KIF13A: variants seen among roughly 807,000 people sequenced by gnomAD.
KIF13A encodes kinesin-like protein KIF13A.
Under a neutral mutation model 212.2 loss-of-function variants are expected in KIF13A, and 79 were observed. That is an observed-to-expected ratio of 0.37 (90% confidence interval 0.31 to 0.45). The LOEUF (loss-of-function observed/expected upper bound fraction) is 0.45, where lower values mean the gene tolerates loss of function less well. Among genes scored for constraint, KIF13A ranks in the 20% least tolerant of loss-of-function variants. The probability of loss-of-function intolerance (pLI) is 1.00; values close to 1 mark genes in which losing one functional copy is unlikely to be tolerated. For missense variants in KIF13A, 1,901 were observed against 2,209.0 expected (o/e 0.86, Z 2.79); for synonymous variants, 789 against 808.6 (o/e 0.98, Z 0.41).
rs1219750010 is a variant in KIF13A, at chr6:17,973,621, GA to G, written c.146+13432del. 4.0e-5 allele frequency among the ~76,000 whole-genome samples: 6 copies of G among 148,290 alleles called. No individual in the cohort carries two copies. The East Asian group carries it at 7.8e-4, about 19-fold the overall frequency. ...ATAAATCTGAACATTACAACTTAAA[GA>G]AAAAAAAAACCCTTACAGACTATCT... is the stretch of plus-strand genomic sequence containing the variant. On this transcript the variant is annotated intron_variant, in intron 2 of 38. Coordinates refer to ENST00000259711, the MANE Select transcript of KIF13A (RefSeq NM_022113.6).
At chr6:17,848,718 AC>A (rs1453990356) in intron 9 of KIF13A, among the ~76,000 whole-genome samples, 6 of 151,876 alleles carry the variant, frequency 4.0e-5, no homozygotes, top group Non-Finnish European at 2.9e-5. Context: ...GACGTGTGCC[AC>A]CATGCCCAGC....
At position 17,808,844 on chromosome 6, in the gene KIF13A, G is replaced by C. The variant is rs1324550631; in HGVS notation, c.2087C>G (p.Ala696Gly). ...NTLVREANFL[A>G]EEMSKLTDYQ... is the part of the protein sequence containing the mutation. ...ATCGGTGAGTTTGCTCATTTCCTCA[G>C]CCAGGAAGTTTGCTTCCCTCACCAA... is the stretch of plus-strand genomic sequence containing the variant. Residue 696 changes from alanine to glycine, a missense_variant, in exon 18 of 39, where the codon GCT becomes GGT. Coordinates refer to ENST00000259711, the MANE Select transcript of KIF13A (RefSeq NM_022113.6). 1 of 1,613,680 alleles carries C rather than the reference G, an allele frequency of 6.2e-7. No individual in the cohort carries two copies. Among genetic ancestry groups the C allele is most frequent in the African/African-American group, 1.3e-5 (1 of 74,904 alleles).
rs989994318 is a variant in KIF13A, at chr6:17,771,128, G to A, written c.4567C>T (p.Arg1523Cys). 16 of 1,610,354 alleles carry A rather than the reference G, an allele frequency of 9.9e-6. No homozygotes were observed. Among genetic ancestry groups the A allele is most frequent in the Admixed American group, 6.7e-5 (4 of 59,762 alleles). ...SSMPVEHNSK[R>C]EKKIDSEEEE... ...CCGGAACTTACAATCTTCTTCTCAC[G>A]TTTGCTATTGTGTTCTACTGGCATG... The change falls in exon 38 of 39, where the codon CGT (arginine) becomes TGT (cysteine). Residue 1523 changes from arginine to cysteine, a missense_variant. Around this residue, in one of 5 missense-constraint regions of KIF13A, gnomAD observed 687 missense variants for 759.1 expected, o/e 0.90. Transcript: ENST00000259711. The surrounding 1 kb of genome is among the most constrained non-coding windows in gnomAD (Gnocchi z 5.4).
intron 9 of KIF13A, among the ~76,000 whole-genome samples, chr6:17,848,810 G>A (rs1467391205): frequency 1.3e-5 from 2 of 152,040 alleles, no homozygotes; most frequent in Admixed American, 6.6e-5. Context: ...GTTTTGTCAC[G>A]TTGCCCAGGC....
At position 17,982,117 on chromosome 6, in the gene KIF13A, CAG is replaced by C. The variant is rs1491317920; in HGVS notation, c.146+4935_146+4936del. Reference sequence around the variant, plus strand: ...TGAGCATTCTTTTTTTTTTTTGAGACAGAGTTTCACTCTTGTTGCTCAGGCTA... The same window carrying C: ...TGAGCATTCTTTTTTTTTTTTGAGACAGTTTCACTCTTGTTGCTCAGGCTA... On this transcript the variant is annotated intron_variant, in intron 2 of 38. Transcript: ENST00000259711. This position sits in a 1 kb window ranked among gnomAD's most constrained non-coding sequence, Gnocchi z 5.1. Among the ~76,000 whole-genome samples the C allele has an allele frequency of 1.3e-5, 2 of 149,514 alleles. No homozygotes were observed. Among genetic ancestry groups the C allele is most frequent in the East Asian group, 2.0e-4 (1 of 5,124 alleles).
At chr6:17,938,126 C>T (rs1167780485) in intron 2 of KIF13A, among the ~76,000 whole-genome samples, 1 of 152,032 alleles carries the variant, frequency 6.6e-6, no homozygotes, top group African/African-American at 2.4e-5. Context: ...AACTCCTGGC[C>T]TCAAGTGATC....
At position 17,765,073 on chromosome 6, in the gene KIF13A, T is replaced by C. The variant is rs1432530553; in HGVS notation, c.4582-127A>G. On this transcript the variant is annotated intron_variant, in intron 38 of 38. Coordinates refer to ENST00000259711, the MANE Select transcript of KIF13A (RefSeq NM_022113.6). ...GGTGTTCAGTGTTTTCTTTTTGTCT[T>C]TCCAAATTTGGCCAGATCTTGTCAC... 5.3e-6 allele frequency: 4 copies of C among 753,900 alleles called. No homozygotes were observed. In the African/African-American group the frequency reaches 7.1e-5, roughly 13 times the overall value. 46.7% of individuals were successfully genotyped at this position (753,900 alleles called of 1,614,324 possible).
At chr6:17,889,966 GAAACCTGTTGACAGGGA>G (rs908178761) in intron 3 of KIF13A, among the ~76,000 whole-genome samples, 12 of 152,242 alleles carry the variant, frequency 7.9e-5, no homozygotes, top group African/African-American at 1.7e-4. Context: ...CCAACACGGA[GAAACCTGTTGACAGGGA>G]AAACCTGTTG....
In KIF13A at chr6:17,834,118, A is replaced by G. The variant is rs1237078650; in HGVS notation, c.1156-47T>C. On this transcript the variant is annotated intron_variant, in intron 11 of 38. Coordinates refer to ENST00000259711, the MANE Select transcript of KIF13A (RefSeq NM_022113.6). The surrounding 1 kb of genome is among the most constrained non-coding windows in gnomAD (Gnocchi z 4.0). ...ATCTGATGTTCAAAATTTTTCCACC[A>G]TCATATACAAGACAATCAGTTACTG... 1.7e-6 allele frequency: 2 copies of G among 1,158,324 alleles called. No homozygotes were observed. The highest frequency in any genetic ancestry group is 2.4e-6 in the Non-Finnish European group (2 of 817,114). 71.8% of individuals were successfully genotyped at this position (1,158,324 alleles called of 1,614,324 possible).
chr6:17,889,539 G>C (rs940429824), intron 3 of KIF13A, among the ~76,000 whole-genome samples: 2 of 152,172 alleles, frequency 1.3e-5, no homozygotes, highest in African/African-American at 2.4e-5. Context: ...TGATTTTTCA[G>C]TTATTTATAT....
At chr6:17,857,194 G>A (rs2150408274) in intron 4 of KIF13A, among the ~76,000 whole-genome samples, 1 of 152,222 alleles carries the variant, frequency 6.6e-6, no homozygotes, top group South Asian at 2.1e-4. Flanking sequence ...GATATATGAT[G>A]ACTGCAGGAT....
In KIF13A at chr6:17,783,093, G is replaced by C. The variant is rs527621152; in HGVS notation, c.3544+553C>G. ...TAGGGCCCTGCCAAAGGATCTACCA[G>C]GATCCTGCCCACTGCAAACTCAGCA... On this transcript the variant is annotated intron_variant, in intron 29 of 38. Coordinates refer to ENST00000259711, the MANE Select transcript of KIF13A (RefSeq NM_022113.6). This position sits in a 1 kb window ranked among gnomAD's most constrained non-coding sequence, Gnocchi z 4.3. Among the ~76,000 whole-genome samples the C allele has an allele frequency of 8.5e-5, 13 of 152,312 alleles. No homozygotes were observed. Among genetic ancestry groups the C allele is most frequent in the African/African-American group, 2.9e-4 (12 of 41,562 alleles).
intron 2 of KIF13A, among the ~76,000 whole-genome samples, chr6:17,924,648 T>C (rs1775344902): frequency 6.6e-6 from 1 of 152,162 alleles, no homozygotes; most frequent in Non-Finnish European, 1.5e-5. Context: ...AATTCTTCCT[T>C]ACAAATGCAA....
rs112329200 is a variant in KIF13A, at chr6:17,964,858, C to T, written c.146+22196G>A. Among the ~76,000 whole-genome samples, 811 of 152,208 alleles carry T rather than the reference C, an allele frequency of 5.3e-3. 3 individuals are homozygous for T. The highest frequency in any genetic ancestry group is 0.034 in the Middle Eastern group (10 of 294). ...TGTTTTTTTGAGACTGAGTCTCGCT[C>T]TGTCGCCAGGCTGGAGTGTAGTGGT... On this transcript the variant is annotated intron_variant, in intron 2 of 38. Coordinates refer to ENST00000259711, the MANE Select transcript of KIF13A (RefSeq NM_022113.6).
chr6:17,904,493 A>G (rs1773322403), intron 2 of KIF13A, among the ~76,000 whole-genome samples: 1 of 152,188 alleles, frequency 6.6e-6, no homozygotes, highest in African/African-American at 2.4e-5. Context: ...AAGAAAAAGA[A>G]AACAGTAAAG....
chr6:17,760,212 T>G (rs980976276), downstream of KIF13A: 4 of 151,840 alleles, frequency 2.6e-5, no homozygotes, highest in African/African-American at 9.7e-5. Flanking sequence ...TTATGTAAGT[T>G]CTTTGGTTAT....
At chr6:17,833,814 C>T in intron 12 of KIF13A, 147 bp downstream of exon 12, 1 of 485,286 alleles carries the variant, frequency 2.1e-6, no homozygotes. Context: ...CGAGATCACG[C>T]CACTGCACCC....
At chr6:17,942,854 C>T (rs890737968) in intron 2 of KIF13A, among the ~76,000 whole-genome samples, 6 of 152,220 alleles carry the variant, frequency 3.9e-5, no homozygotes, top group Middle Eastern at 3.4e-3. Context: ...GTCAACACGC[C>T]TGTAATCCCA....
chr6:17,926,006 GC>G lies in KIF13A; in HGVS notation c.147-27827del, dbSNP rs1237142992. ...CCAACTCTTAAAGAGAATCTGCTGT[GC>G]CCACAGCACCAGAAGAGGCAGCTGT... is the stretch of plus-strand genomic sequence containing the variant. On this transcript the variant is annotated intron_variant, in intron 2 of 38. Coordinates refer to ENST00000259711, the MANE Select transcript of KIF13A (RefSeq NM_022113.6). The surrounding 1 kb of genome is among the most constrained non-coding windows in gnomAD (Gnocchi z 4.3). 6.6e-6 allele frequency among the ~76,000 whole-genome samples: 1 copy of G among 152,044 alleles called. No individual in the cohort carries two copies. The highest frequency in any genetic ancestry group is 6.6e-5 in the Admixed American group (1 of 15,260).
Sources: gnomAD v4.1 joint callset for allele counts (sites outside exome capture counted in the v4.1 genomes callset) on GRCh38, gnomAD v4.1.1 for gene constraint, gnomAD v4.1.1 regional missense constraint, Gnocchi (gnomAD v3.1) non-coding constraint, MANE v1.5 for transcripts, NCBI Gene and HGNC (gene_info 2026-07-23, HGNC 2026-07-21) for gene names.